CAST: variants seen among roughly 807,000 people sequenced by gnomAD.
The protein encoded by CAST is calpastatin.
In CAST, 76 loss-of-function variants were observed where a neutral mutation model predicts 119.6. The ratio of observed to expected loss-of-function variants is 0.64; its 90% CI spans 0.53 to 0.77. The LOEUF is 0.77. CAST is among the 30% of genes least tolerant of loss of function. CAST has a pLI of 0.00. For missense variants in CAST, 953 were observed against 946.5 expected (o/e 1.01, Z -0.09); for synonymous variants, 319 against 331.6 (o/e 0.96, Z 0.41).
chr5:96,741,485 GT>G lies in CAST; in HGVS notation c.1012-4del. ...CTGTAAGTCTAATCTTTTGTATTTTGTTTTTCAGGAATCTACAGAAGTTTTA... is the reference window on the plus strand; with the variant it reads ...CTGTAAGTCTAATCTTTTGTATTTTGTTTTCAGGAATCTACAGAAGTTTTA... On this transcript the variant is annotated splice_polypyrimidine_tract_variant and splice_region_variant and intron_variant, in intron 14 of 31. Coordinates refer to ENST00000675179, the MANE Select transcript of CAST (RefSeq NM_001750.7). 6.2e-7 allele frequency: 1 copy of G among 1,604,168 alleles called. No individual in the cohort carries two copies. The highest frequency in any genetic ancestry group is 8.5e-7 in the Non-Finnish European group (1 of 1,171,336).
intron 1 of CAST, among the ~76,000 whole-genome samples, chr5:96,589,351 T>C (rs1746923149): frequency 6.6e-6 from 1 of 152,216 alleles, no homozygotes. Flanking sequence ...TGAATAGACG[T>C]ATATTTCATT....
intron 3 of CAST, among the ~76,000 whole-genome samples, chr5:96,704,811 C>A (rs1754605132): frequency 1.3e-5 from 2 of 152,172 alleles, no homozygotes; most frequent in South Asian, 4.1e-4. Context: ...TCTTCATGAA[C>A]ATTGCATTTA....
chr5:96,352,786 G>A, the CAST span, among the ~76,000 whole-genome samples: 1 of 151,944 alleles, frequency 6.6e-6, no homozygotes, highest in Non-Finnish European at 1.5e-5. Flanking sequence ...TGATGGGAGT[G>A]GATTTTCTCC....
the CAST span, among the ~76,000 whole-genome samples, chr5:96,315,539 G>T: frequency 1.3e-5 from 2 of 152,238 alleles, no homozygotes; most frequent in African/African-American, 4.8e-5. Flanking sequence ...AGAGAAGTGG[G>T]AGTGGTGAAG....
the CAST span, among the ~76,000 whole-genome samples, chr5:96,148,574 G>A: frequency 1.3e-5 from 2 of 152,182 alleles, no homozygotes; most frequent in African/African-American, 2.4e-5. Flanking sequence ...AGCCCAACAC[G>A]TTCTGGTGAG....
At chr5:96,305,965 C>A in the CAST span, among the ~76,000 whole-genome samples, 2 of 152,194 alleles carry the variant, frequency 1.3e-5, no homozygotes, top group African/African-American at 4.8e-5. Flanking sequence ...ATACTGGCCT[C>A]ATAAAATGTG....
the CAST span, among the ~76,000 whole-genome samples, chr5:96,097,854 G>A: frequency 6.6e-6 from 1 of 152,036 alleles, no homozygotes; most frequent in Non-Finnish European, 1.5e-5. Context: ...CTCAGTAATG[G>A]GATTGCTGGG....
the CAST span, among the ~76,000 whole-genome samples, chr5:96,448,199 G>A: frequency 6.6e-6 from 1 of 152,232 alleles, no homozygotes; most frequent in East Asian, 1.9e-4. Flanking sequence ...TAACATGTCT[G>A]GGGGCTATAA....
chr5:96,751,724 G>GT (rs530111368), intron 20 of CAST, among the ~76,000 whole-genome samples: 44 of 152,302 alleles, frequency 2.9e-4, no homozygotes, highest in African/African-American at 1.0e-3. Context: ...GCATTCCCCA[G>GT]TAGAACTCTT....
At chr5:96,748,687 T>C in intron 19 of CAST, 74 bp downstream of exon 19, 1 of 724,524 alleles carries the variant, frequency 1.4e-6, no homozygotes. Flanking sequence ...ACAGACTGTT[T>C]TAGCATCAAG....
At chr5:96,607,473 G>T (rs1747281305) in intron 1 of CAST, among the ~76,000 whole-genome samples, 1 of 152,138 alleles carries the variant, frequency 6.6e-6, no homozygotes, top group African/African-American at 2.4e-5. Context: ...CAAAATAATT[G>T]AATTATTCTT....
At chr5:96,367,826 C>G in the CAST span, among the ~76,000 whole-genome samples, 1 of 151,964 alleles carries the variant, frequency 6.6e-6, no homozygotes. Context: ...GCTGCACCCT[C>G]TATCCTGCAC....
Position 96,571,006 on chromosome 5 carries a change from G to A in CAST, c.60+41126G>A, listed in dbSNP as rs1746557819. On this transcript the variant is annotated intron_variant, in intron 1 of 11. Transcript: ENST00000505143. Reference sequence around the variant, plus strand: ...CTGCATGATGATATTACACAAGGTGGAAACAAGTATATATTCAGAGGAGCA... The same window carrying A: ...CTGCATGATGATATTACACAAGGTGAAAACAAGTATATATTCAGAGGAGCA... 2.0e-5 allele frequency among the ~76,000 whole-genome samples: 3 copies of A among 152,176 alleles called. 1 individual carries two copies. In the South Asian group the frequency reaches 6.2e-4, roughly 32 times the overall value.
intron 2 of CAST, 154 bp from the exon 3 acceptor site, chr5:96,695,682 A>C (rs1480931285): frequency 2.1e-6 from 1 of 480,642 alleles, no homozygotes; most frequent in African/African-American, 2.0e-5. Context: ...AGGCAAAGTA[A>C]CGAAAAATTC....
the CAST span, among the ~76,000 whole-genome samples, chr5:96,305,294 C>T: frequency 3.3e-5 from 5 of 152,152 alleles, no homozygotes; most frequent in Admixed American, 6.5e-5. Context: ...GATTTTTGCA[C>T]ATTGATTTTG....
At chr5:96,056,276 A>G in the CAST span, among the ~76,000 whole-genome samples, 2 of 152,192 alleles carry the variant, frequency 1.3e-5, no homozygotes, top group African/African-American at 4.8e-5. Context: ...AAACAAATGT[A>G]TCTTCCATAA....
the CAST span, among the ~76,000 whole-genome samples, chr5:96,442,138 C>A: frequency 1.3e-5 from 2 of 152,228 alleles, no homozygotes; most frequent in African/African-American, 2.4e-5. Flanking sequence ...TGTAGTGCTT[C>A]TTCTACCTTC....
At chr5:96,102,300 A>C in the CAST span, among the ~76,000 whole-genome samples, 1 of 152,130 alleles carries the variant, frequency 6.6e-6, no homozygotes, top group Non-Finnish European at 1.5e-5. Context: ...GGACGGGCAG[A>C]TAATCTTCCC....
At chr5:96,225,729 G>A in the CAST span, among the ~76,000 whole-genome samples, 1 of 152,028 alleles carries the variant, frequency 6.6e-6, no homozygotes, top group Non-Finnish European at 1.5e-5. Context: ...AGAAACAGAG[G>A]TAAAAGAATA....
Sources: gnomAD v4.1 joint callset for allele counts (sites outside exome capture counted in the v4.1 genomes callset) on GRCh38, gnomAD v4.1.1 for gene constraint, MANE v1.5 for transcripts, NCBI Gene and HGNC (gene_info 2026-07-23, HGNC 2026-07-21) for gene names.